ZC3H12B: variants seen among roughly 807,000 people sequenced by gnomAD.
ZC3H12B encodes the protein probable ribonuclease ZC3H12B.
Under a neutral mutation model 43.9 loss-of-function variants are expected in ZC3H12B, and 7 were observed. The observed-to-expected ratio is 0.16, with a 90% CI of 0.09 to 0.30. The LOEUF is 0.30. Ranked by LOEUF, ZC3H12B falls within the 10% of genes least tolerant of loss-of-function variation. The pLI is 1.00. For synonymous variants in ZC3H12B, 222 were observed against 241.7 expected (o/e 0.92, Z 0.76); for missense variants, 475 against 670.2 (o/e 0.71, Z 3.22).
chrX:65,322,526 A>G, the ZC3H12B span, among the ~76,000 whole-genome samples: 2 of 112,505 alleles, frequency 1.8e-5, no homozygotes, highest in Non-Finnish European at 3.8e-5. Context: ...TGTTCTTCAC[A>G]TCTTTGTTGA....
chrX:65,085,548 G>A, the ZC3H12B span, among the ~76,000 whole-genome samples: 1 of 110,929 alleles, frequency 9.0e-6, no homozygotes. Context: ...CGAGGCTGAA[G>A]GATTACTTGA....
chrX:65,374,177 C>T (rs1408649884), intron 2 of ZC3H12B, among the ~76,000 whole-genome samples: 4 of 75,189 alleles, frequency 5.3e-5, no homozygotes, highest in African/African-American at 2.2e-4. Flanking sequence ...TATATATACA[C>T]TATATATAGT....
chrX:65,468,511 T>A (rs2067856481), intron 3 of ZC3H12B, among the ~76,000 whole-genome samples: 1 of 100,518 alleles, frequency 9.9e-6, no homozygotes, highest in Non-Finnish European at 2.0e-5. Context: ...TGAGATGGAG[T>A]CTCACTCTGT....
At chrX:65,461,739 T>C (rs1023664314) in intron 3 of ZC3H12B, among the ~76,000 whole-genome samples, 8 of 111,148 alleles carry the variant, frequency 7.2e-5, no homozygotes, top group African/African-American at 2.6e-4. Context: ...CATTAGGAGA[T>C]ATACCTAATG....
the ZC3H12B span, among the ~76,000 whole-genome samples, chrX:65,258,273 C>T: frequency 1.8e-5 from 2 of 112,135 alleles, no homozygotes; most frequent in Admixed American, 9.5e-5. Flanking sequence ...ATATACTCAA[C>T]TCAGTAAATG....
chrX:65,281,915 T>C, the ZC3H12B span, among the ~76,000 whole-genome samples: 1 of 111,557 alleles, frequency 9.0e-6, no homozygotes. Context: ...AGTTCAACAA[T>C]CAAATGATAT....
the ZC3H12B span, among the ~76,000 whole-genome samples, chrX:65,040,737 TA>T: frequency 9.0e-6 from 1 of 111,571 alleles, no homozygotes; most frequent in Non-Finnish European, 1.9e-5. Flanking sequence ...GAGATATTTC[TA>T]AAGTCCTTAA....
chrX:65,441,292 C>A (rs1411780374), intron 3 of ZC3H12B, among the ~76,000 whole-genome samples: 4 of 112,143 alleles, frequency 3.6e-5, no homozygotes, highest in Non-Finnish European at 7.5e-5. Context: ...AGCGGCTTTA[C>A]CAATTCCAAC....
chrX:65,366,314 T>C (rs1481748587), upstream of ZC3H12B, among the ~76,000 whole-genome samples: 1 of 111,666 alleles, frequency 9.0e-6, no homozygotes, highest in African/African-American at 3.3e-5. Flanking sequence ...TAATAGAAGC[T>C]TGTTTCTTCT....
chrX:65,173,854 T>C, the ZC3H12B span, among the ~76,000 whole-genome samples: 125 of 111,787 alleles, frequency 1.1e-3, no homozygotes, highest in African/African-American at 3.9e-3. Flanking sequence ...ATCAGGGATA[T>C]TGGCCTGAAG....
the ZC3H12B span, among the ~76,000 whole-genome samples, chrX:65,193,698 G>T: frequency 9.0e-6 from 1 of 111,212 alleles, no homozygotes; most frequent in Middle Eastern, 4.6e-3. Context: ...TGCTTTTCTA[G>T]TTTTTTAAGA....
the ZC3H12B span, among the ~76,000 whole-genome samples, chrX:65,122,796 A>T: frequency 2.0e-4 from 22 of 111,698 alleles, no homozygotes; most frequent in South Asian, 3.8e-4. Context: ...GAAGGCCATT[A>T]CATAATGGTA....
At chrX:65,452,665 A>G (rs1026922693) in intron 3 of ZC3H12B, among the ~76,000 whole-genome samples, 3 of 111,458 alleles carry the variant, frequency 2.7e-5, no homozygotes, top group African/African-American at 6.5e-5. Context: ...ACATGGTGAA[A>G]CCCCATCTCT....
intron 2 of ZC3H12B, among the ~76,000 whole-genome samples, chrX:65,372,800 AG>A (rs2066266110): frequency 1.8e-5 from 2 of 112,608 alleles, no homozygotes; most frequent in African/African-American, 3.2e-5. Flanking sequence ...GTATGCATCA[AG>A]GTCAGATAGG....
the ZC3H12B span, among the ~76,000 whole-genome samples, chrX:65,335,436 A>T: frequency 2.7e-5 from 3 of 112,199 alleles, no homozygotes; most frequent in Non-Finnish European, 5.6e-5. Context: ...CTCTCAAGTG[A>T]AACCAATAAG....
chrX:65,163,153 C>T, the ZC3H12B span, among the ~76,000 whole-genome samples: 315 of 110,562 alleles, frequency 2.8e-3, 3 homozygotes, highest in African/African-American at 9.8e-3. Context: ...AATACCTGGG[C>T]GTGTGAGGTG....
At chrX:65,306,717 A>C in the ZC3H12B span, among the ~76,000 whole-genome samples, 19 of 112,176 alleles carry the variant, frequency 1.7e-4, no homozygotes, top group Non-Finnish European at 2.1e-4. Context: ...GCATAGGTGC[A>C]TACAGAGATT....
At chrX:65,109,111 A>G in the ZC3H12B span, among the ~76,000 whole-genome samples, 2 of 111,567 alleles carry the variant, frequency 1.8e-5, no homozygotes, top group African/African-American at 6.5e-5. Context: ...GTATATTCCT[A>G]GAGTACATAA....
chrX:65,446,912 G>T (rs970076112), intron 3 of ZC3H12B, among the ~76,000 whole-genome samples: 4 of 111,475 alleles, frequency 3.6e-5, no homozygotes, highest in Non-Finnish European at 7.5e-5. Context: ...CAATTACTGG[G>T]GGTTCTATTC....
Sources: gnomAD v4.1 joint callset for allele counts (sites outside exome capture counted in the v4.1 genomes callset) on GRCh38, gnomAD v4.1.1 for gene constraint, MANE v1.5 for transcripts, NCBI Gene and HGNC (gene_info 2026-07-23, HGNC 2026-07-21) for gene names.